The following MCC variants were observed in gnomAD, a reference collection of about 807,000 sequenced individuals.
MCC encodes the protein MCC regulator of Wnt signaling pathway, also known as colorectal mutant cancer protein.
Under a neutral mutation model 116.2 loss-of-function variants are expected in MCC, and 90 were observed. The ratio of observed to expected loss-of-function variants is 0.77; its 90% CI spans 0.65 to 0.92. MCC has a LOEUF of 0.92. MCC is among the 40% of genes least tolerant of loss of function. MCC has a pLI of 0.00. For missense variants in MCC, 1,516 were observed against 1,312.2 expected, an observed-to-expected ratio of 1.16 and a Z score of -2.40; for synonymous variants, 578 against 510.5, an observed-to-expected ratio of 1.13 and a Z score of -1.78.
chr5:113,104,556 T>C (rs893770258), intron 6 of MCC: 6 of 432,886 alleles, frequency 1.4e-5, no homozygotes, highest in African/African-American at 1.0e-4. Context: ...GAGTTTCAGA[T>C]GATGGTCATT....
chr5:113,041,265 G>A lies in MCC; in HGVS notation c.2756+2265C>T, dbSNP rs541587978. Among the ~76,000 whole-genome samples the A allele has an allele frequency of 3.7e-3, 564 of 152,290 alleles. 2 individuals are homozygous for A. Among genetic ancestry groups the A allele is most frequent in the Middle Eastern group, 6.8e-3 (2 of 294 alleles). On this transcript the variant is annotated intron_variant, in intron 17 of 18. Transcript: ENST00000408903. ...CCTATAAACAGGCCCGCTGGATCAAGTGAGCTGACTGAAAATACACTGTAC... is the reference window on the plus strand; with the variant it reads ...CCTATAAACAGGCCCGCTGGATCAAATGAGCTGACTGAAAATACACTGTAC...
chr5:113,220,935 G>T (rs1458356175), intron 3 of MCC, among the ~76,000 whole-genome samples: 1 of 152,196 alleles, frequency 6.6e-6, no homozygotes, highest in East Asian at 1.9e-4. Flanking sequence ...GGGCATGGTG[G>T]CTCATGCCTA....
In MCC at chr5:113,459,838, AC is replaced by A. The variant is rs1254931732; in HGVS notation, c.170+28406del. Among the ~76,000 whole-genome samples, 35 of 151,760 alleles carry A rather than the reference AC, an allele frequency of 2.3e-4. No individual in the cohort carries two copies. The South Asian group carries it at 7.1e-3, about 31-fold the overall frequency. On this transcript the variant is annotated intron_variant, in intron 1 of 18. Coordinates refer to ENST00000408903, the MANE Select transcript of MCC (RefSeq NM_001085377.2). ...ATCGCTATGGAAAACACACACACACACACACACACACACACACACAGGCATG... is the reference window on the plus strand; with the variant it reads ...ATCGCTATGGAAAACACACACACACAACACACACACACACACACAGGCATG...
intron 6 of MCC, among the ~76,000 whole-genome samples, chr5:113,121,513 C>T (rs1477441551): frequency 1.3e-5 from 2 of 152,186 alleles, no homozygotes; most frequent in Non-Finnish European, 2.9e-5. Flanking sequence ...CCTTGACCTG[C>T]TTAATTCCTA....
At chr5:113,143,761 G>C (rs1446320050) in intron 4 of MCC, among the ~76,000 whole-genome samples, 4 of 152,178 alleles carry the variant, frequency 2.6e-5, no homozygotes, top group South Asian at 4.1e-4. Flanking sequence ...AGTTGATTCA[G>C]AAAGCCTTGA....
intron 3 of MCC, among the ~76,000 whole-genome samples, chr5:113,337,354 C>T (rs552559531): frequency 2.4e-3 from 367 of 152,262 alleles, no homozygotes; most frequent in Non-Finnish European, 3.8e-3. Flanking sequence ...GGAGGCTGGA[C>T]GAAGGTTCAG....
intron 3 of MCC, among the ~76,000 whole-genome samples, chr5:113,170,070 T>C (rs767460585): frequency 1.3e-5 from 2 of 152,238 alleles, no homozygotes; most frequent in Non-Finnish European, 2.9e-5. Flanking sequence ...TAAGCTCCAA[T>C]ACAAAATTCT....
intron 3 of MCC, among the ~76,000 whole-genome samples, chr5:113,199,523 G>A (rs904861677): frequency 3.9e-5 from 6 of 152,190 alleles, no homozygotes; most frequent in Admixed American, 1.3e-4. Context: ...AAAGTTTGCT[G>A]CTTCCAGATT....
intron 16 of MCC, among the ~76,000 whole-genome samples, chr5:113,046,368 T>C (rs1752074025): frequency 6.6e-6 from 1 of 151,976 alleles, no homozygotes; most frequent in Non-Finnish European, 1.5e-5. Context: ...ATTTTTGTAT[T>C]TTTAGTAGAG....
At chr5:113,372,629 A>G (rs920463951) in intron 2 of MCC, among the ~76,000 whole-genome samples, 6 of 152,230 alleles carry the variant, frequency 3.9e-5, no homozygotes, top group African/African-American at 1.4e-4. Flanking sequence ...TAAGTACAGA[A>G]TTTCAAGTTT....
At chr5:113,303,138 A>G (rs1232121189) in intron 3 of MCC, among the ~76,000 whole-genome samples, 6 of 152,198 alleles carry the variant, frequency 3.9e-5, no homozygotes, top group Admixed American at 3.9e-4. Flanking sequence ...TGAGATTCCT[A>G]TTTGACATCT....
At chr5:113,085,481 AT>A (rs930827160) in intron 8 of MCC, among the ~76,000 whole-genome samples, 171 bp from the exon 9 acceptor site, 2 of 151,390 alleles carry the variant, frequency 1.3e-5, no homozygotes, top group Admixed American at 6.6e-5. Context: ...CGGACTAATA[AT>A]TTTTTTTTAA....
Position 113,311,550 on chromosome 5 carries a change from C to T in MCC, c.627+28969G>A, listed in dbSNP as rs78945803. On this transcript the variant is annotated intron_variant, in intron 3 of 18. Transcript: ENST00000408903. The stretch of plus-strand genomic sequence containing the variant: ...CAGTCAAGAACAGCAGCTGCCCTGC[C>T]GACCTGCAACTGACCCCAAATACAT... 2.8e-3 allele frequency among the ~76,000 whole-genome samples: 432 copies of T among 152,292 alleles called. 1 individual carries two copies. The highest frequency in any genetic ancestry group is 4.9e-3 in the Admixed American group (75 of 15,300).
At chr5:113,058,014 T>A (rs1400282819) in intron 14 of MCC, among the ~76,000 whole-genome samples, 1 of 152,090 alleles carries the variant, frequency 6.6e-6, no homozygotes, top group Non-Finnish European at 1.5e-5. Context: ...ACACAGGGTG[T>A]GGGGTTTACT....
At chr5:113,229,268 C>A (rs1321033097) in intron 3 of MCC, among the ~76,000 whole-genome samples, 1 of 152,134 alleles carries the variant, frequency 6.6e-6, no homozygotes, top group South Asian at 2.1e-4. Context: ...CACTGTTACA[C>A]CTGAACTAAA....
chr5:113,151,261 T>C, intron 4 of MCC, 48 bp downstream of exon 4: 1 of 1,172,622 alleles, frequency 8.5e-7, no homozygotes, highest in Non-Finnish European at 1.2e-6. Context: ...GATTAAATAT[T>C]TAAAACAAAA....
chr5:113,367,638 G>GGA (rs1768732412), intron 2 of MCC, among the ~76,000 whole-genome samples: 1 of 93,664 alleles, frequency 1.1e-5, no homozygotes, highest in South Asian at 4.3e-4. Context: ...GTGGGGGGGG[G>GGA]GAAGAGAGAG....
chr5:113,317,774 G>A (rs1260021666), intron 3 of MCC, among the ~76,000 whole-genome samples: 1 of 152,188 alleles, frequency 6.6e-6, no homozygotes, highest in African/African-American at 2.4e-5. Flanking sequence ...CAGTGTGGAT[G>A]GGCTAATGAA....
intron 1 of MCC, among the ~76,000 whole-genome samples, chr5:113,451,075 G>C (rs1771378852): frequency 6.6e-6 from 1 of 151,728 alleles, no homozygotes; most frequent in South Asian, 2.1e-4. Context: ...ACTGCCCTAG[G>C]CTGTAACTCA....
Sources: allele counts gnomAD v4.1 joint callset (sites outside exome capture counted in the v4.1 genomes callset), GRCh38; gene constraint gnomAD v4.1.1; transcripts MANE v1.5; gene names NCBI Gene and HGNC (gene_info 2026-07-23, HGNC 2026-07-21).